FARS2: variants seen among roughly 807,000 people sequenced by gnomAD.
The protein encoded by FARS2 is phenylalanine--tRNA ligase, mitochondrial.
A neutral mutation model predicts 46.4 loss-of-function variants in FARS2; 40 were observed. That is an observed-to-expected ratio of 0.86 (90% CI 0.67 to 1.12). The LOEUF is 1.12. Among genes scored for constraint, FARS2 ranks in the 50% most tolerant of loss-of-function variants. FARS2 has a pLI of 0.00. For synonymous variants in FARS2, 234 were observed against 214.9 expected (o/e 1.09, Z -0.78); for missense variants, 513 against 567.9 (o/e 0.90, Z 0.98).
At chr6:5,272,926 T>A (rs1766067466) in intron 1 of FARS2, among the ~76,000 whole-genome samples, 1 of 152,228 alleles carries the variant, frequency 6.6e-6, no homozygotes, top group Admixed American at 6.5e-5. Flanking sequence ...TTTCTGTGCT[T>A]GGCTTATTTC....
At chr6:5,712,928 A>G (rs577878917) in intron 6 of FARS2, among the ~76,000 whole-genome samples, 9 of 152,234 alleles carry the variant, frequency 5.9e-5, no homozygotes, top group Non-Finnish European at 1.2e-4. Flanking sequence ...AATGGAGTGT[A>G]CAAAAAGCGT....
At chr6:5,333,570 A>C (rs1396457954) in intron 1 of FARS2, among the ~76,000 whole-genome samples, 2 of 152,198 alleles carry the variant, frequency 1.3e-5, no homozygotes, top group African/African-American at 4.8e-5. Context: ...GATAGTATGG[A>C]CATGTCTGAG....
intron 5 of FARS2, among the ~76,000 whole-genome samples, chr6:5,575,734 T>C (rs4960104): frequency 0.59 from 89,678 of 152,044 alleles, 26,548 homozygotes; most frequent in African/African-American, 0.62. Context: ...CCCTTCTTTG[T>C]GTTAGTTAAT....
At chr6:5,353,909 A>G (rs1459886086) in intron 1 of FARS2, among the ~76,000 whole-genome samples, 1 of 149,936 alleles carries the variant, frequency 6.7e-6, no homozygotes, top group Non-Finnish European at 1.5e-5. Flanking sequence ...AGGCAGAAGG[A>G]CAAACCAGGC....
At chr6:5,322,948 A>G (rs568817516) in intron 1 of FARS2, among the ~76,000 whole-genome samples, 2 of 152,268 alleles carry the variant, frequency 1.3e-5, no homozygotes, top group South Asian at 2.1e-4. Flanking sequence ...TAGTTTCATC[A>G]TTTCACAGCG....
In FARS2 at chr6:5,658,115, G is replaced by A. The variant is rs1282089545; in HGVS notation, c.1217+44795G>A. Among the ~76,000 whole-genome samples, 4 of 152,280 alleles carry A rather than the reference G, an allele frequency of 2.6e-5. No homozygotes were observed. In the East Asian group the frequency reaches 7.7e-4, roughly 29 times the overall value. On this transcript the variant is annotated intron_variant, in intron 6 of 6. Coordinates refer to ENST00000274680, the MANE Select transcript of FARS2 (RefSeq NM_006567.5). ...CTACTAAAAGTACAAAGTTTGCTGG[G>A]CGTGGTGGTGCATGTCTGTAATCCC... is the stretch of plus-strand genomic sequence containing the variant.
rs1283461114 is a variant in FARS2, at chr6:5,765,441, G to T, written c.1218-5850G>T. 6.6e-6 allele frequency among the ~76,000 whole-genome samples: 1 copy of T among 152,194 alleles called. No homozygotes were observed. Among genetic ancestry groups the T allele is most frequent in the Non-Finnish European group, 1.5e-5 (1 of 68,034 alleles). ...TGGGCACAGCATGTACTATGGCATCGCTCATCACCTGCCAATGGCAGGGAG... is the reference window on the plus strand; with the variant it reads ...TGGGCACAGCATGTACTATGGCATCTCTCATCACCTGCCAATGGCAGGGAG... On this transcript the variant is annotated intron_variant, in intron 6 of 6. Coordinates refer to ENST00000274680, the MANE Select transcript of FARS2 (RefSeq NM_006567.5). The surrounding 1 kb of genome is among the most constrained non-coding windows in gnomAD (Gnocchi z 4.0).
At chr6:5,613,060 A>T in intron 5 of FARS2, 109 bp from the exon 6 acceptor site, 1 of 829,442 alleles carries the variant, frequency 1.2e-6, no homozygotes, top group Non-Finnish European at 1.9e-6. Flanking sequence ...TGCTGAAATG[A>T]TGTTTTACTA....
chr6:5,484,185 A>T (rs1766641635), intron 4 of FARS2, among the ~76,000 whole-genome samples: 1 of 152,234 alleles, frequency 6.6e-6, no homozygotes, highest in African/African-American at 2.4e-5. Context: ...TGGATGGGCC[A>T]AGGGGGACAT....
At chr6:5,315,706 A>T (rs976631561) in intron 1 of FARS2, among the ~76,000 whole-genome samples, 1 of 52,064 alleles carries the variant, frequency 1.9e-5, no homozygotes, top group African/African-American at 6.0e-5. Context: ...TCTAAAGCGT[A>T]TATTGATTTC....
chr6:5,655,413 G>A (rs930504207), intron 6 of FARS2, among the ~76,000 whole-genome samples: 1 of 152,098 alleles, frequency 6.6e-6, no homozygotes, highest in African/African-American at 2.4e-5. Flanking sequence ...CACAAACATA[G>A]TGGCTTAAAA....
intron 1 of FARS2, among the ~76,000 whole-genome samples, chr6:5,274,466 A>G (rs529351455): frequency 7.0e-4 from 107 of 152,302 alleles, no homozygotes; most frequent in African/African-American, 2.4e-3. Context: ...AAGTATTTGC[A>G]CAAGAGGGCT....
intron 4 of FARS2, among the ~76,000 whole-genome samples, chr6:5,485,103 G>A (rs1766697032): frequency 6.6e-6 from 1 of 151,996 alleles, no homozygotes; most frequent in Non-Finnish European, 1.5e-5. Context: ...GAACTTATTG[G>A]CTACTCCTGT....
intron 6 of FARS2, among the ~76,000 whole-genome samples, chr6:5,637,047 A>T (rs1300773388): frequency 6.6e-6 from 1 of 152,220 alleles, no homozygotes; most frequent in African/African-American, 2.4e-5. Context: ...TCTCAGTTGA[A>T]GGGGGCTTTA....
chr6:5,296,682 C>T (rs1044767283), intron 1 of FARS2, among the ~76,000 whole-genome samples: 2 of 152,176 alleles, frequency 1.3e-5, no homozygotes, highest in African/African-American at 2.4e-5. Flanking sequence ...AGTATTTGTC[C>T]TTTTCATCTG....
intron 2 of FARS2, among the ~76,000 whole-genome samples, chr6:5,398,762 AC>A (rs1389017497): frequency 1.3e-5 from 2 of 152,254 alleles, no homozygotes; most frequent in Middle Eastern, 3.4e-3. Context: ...ATCTAAGCCA[AC>A]ACCACATGGC....
At chr6:5,342,986 C>T (rs924323536) in intron 1 of FARS2, among the ~76,000 whole-genome samples, 12 of 152,114 alleles carry the variant, frequency 7.9e-5, no homozygotes, top group African/African-American at 2.2e-4. Context: ...CAGCTTACTA[C>T]AGGCCCGTCA....
In FARS2 at chr6:5,449,280, C is replaced by T. The variant is rs547187523; in HGVS notation, c.904+18108C>T. 7.0e-5 allele frequency among the ~76,000 whole-genome samples: 10 copies of T among 142,820 alleles called. No individual in the cohort carries two copies. In the South Asian group the frequency reaches 2.2e-3, roughly 31 times the overall value. The allele number at this position is 142,820 out of a possible 152,430, so 93.7% of individuals were successfully genotyped here. A position where few individuals can be genotyped will look rare whatever the true frequency, so the allele number is the denominator to read the frequency against. ...AGGAGAATCGCTTGAACCTGGGAGG[C>T]AGAGGTTGCAGTGAGCCAAGACTTT... On this transcript the variant is annotated intron_variant, in intron 4 of 6. Transcript: ENST00000274680.
chr6:5,554,424 C>T (rs958366862), intron 5 of FARS2, among the ~76,000 whole-genome samples: 1 of 152,116 alleles, frequency 6.6e-6, no homozygotes, highest in African/African-American at 2.4e-5. Context: ...TCAGTCATGC[C>T]TAGAGTCCCA....
Sources: allele counts gnomAD v4.1 joint callset (sites outside exome capture counted in the v4.1 genomes callset), GRCh38; gene constraint gnomAD v4.1.1; non-coding constraint Gnocchi (gnomAD v3.1); transcripts MANE v1.5; gene names NCBI Gene and HGNC (gene_info 2026-07-23, HGNC 2026-07-21).